The following EPYC variants were observed in gnomAD, a reference collection of about 807,000 sequenced individuals.
EPYC encodes epiphycan, also known as dermatan sulfate proteoglycan 3.
In EPYC, 28 loss-of-function variants were observed where a neutral mutation model predicts 30.1. That is an observed-to-expected ratio of 0.93 (90% CI 0.69 to 1.28). EPYC has a LOEUF of 1.28. Among genes scored for constraint, EPYC ranks in the 50% most tolerant of loss-of-function variants. The probability of loss-of-function intolerance (pLI) is 0.00; values close to 1 mark genes in which losing one functional copy is unlikely to be tolerated. For missense variants in EPYC, 382 were observed against 383.5 expected, an observed-to-expected ratio of 1.00 and a Z score of 0.03; for synonymous variants, 144 against 141.4, an observed-to-expected ratio of 1.02 and a Z score of -0.13.
At chr12:90,972,070 T>G (rs940329233) in intron 4 of EPYC, 68 bp from the exon 5 acceptor site, 1 of 975,720 alleles carries the variant, frequency 1.0e-6, no homozygotes, top group African/African-American at 1.7e-5. Flanking sequence ...ATAAATGTAA[T>G]TTTCCTTTAT....
At chr12:90,989,447 C>T (rs1877530016) in intron 2 of EPYC, among the ~76,000 whole-genome samples, 1 of 151,972 alleles carries the variant, frequency 6.6e-6, no homozygotes, top group South Asian at 2.1e-4. Flanking sequence ...CTTTTGATTA[C>T]ACCAAATATC....
chr12:90,976,464 C>G (rs894587164), intron 3 of EPYC, among the ~76,000 whole-genome samples: 2 of 151,982 alleles, frequency 1.3e-5, no homozygotes, highest in Admixed American at 1.3e-4. Flanking sequence ...AACTAAGGCA[C>G]AGTAATATTG....
chr12:90,990,496 T>C (rs565195785), intron 2 of EPYC, among the ~76,000 whole-genome samples: 1 of 152,242 alleles, frequency 6.6e-6, no homozygotes, highest in East Asian at 1.9e-4. Context: ...ACTGGCAAAT[T>C]CTTGCAAATT....
At chr12:90,984,298 C>T (rs190572310) in intron 2 of EPYC, among the ~76,000 whole-genome samples, 2 of 152,194 alleles carry the variant, frequency 1.3e-5, no homozygotes, top group East Asian at 3.9e-4. Context: ...TCAGCAGGGT[C>T]CAGGGACCAT....
chr12:90,992,623 T>C (rs1273814837), intron 2 of EPYC, among the ~76,000 whole-genome samples: 2 of 152,136 alleles, frequency 1.3e-5, no homozygotes, highest in African/African-American at 4.8e-5. Flanking sequence ...AAACTTCAGG[T>C]AAGACTGGAT....
intron 2 of EPYC, among the ~76,000 whole-genome samples, chr12:90,990,747 G>A (rs1053482659): frequency 3.9e-5 from 6 of 152,044 alleles, no homozygotes; most frequent in South Asian, 2.1e-4. Flanking sequence ...CCAAGGGATC[G>A]AACTCTTTAA....
intron 2 of EPYC, among the ~76,000 whole-genome samples, chr12:90,999,219 G>A (rs554846693): frequency 1.7e-4 from 26 of 152,054 alleles, no homozygotes; most frequent in African/African-American, 5.5e-4. Flanking sequence ...GAGGGCATGG[G>A]TATACTAGGA....
intron 3 of EPYC, among the ~76,000 whole-genome samples, chr12:90,975,829 T>C (rs910220787): frequency 1.3e-5 from 2 of 152,126 alleles, no homozygotes; most frequent in Non-Finnish European, 2.9e-5. Context: ...CTTTTTCTAC[T>C]TGTAGAGTGT....
At chr12:91,004,660 G>A (rs1877910989) in intron 1 of EPYC, among the ~76,000 whole-genome samples, 1 of 151,932 alleles carries the variant, frequency 6.6e-6, no homozygotes. Context: ...TGTGGTCTGT[G>A]TCAGGAAACT....
rs1394918490 is a variant in EPYC at position 90,974,104 on chromosome 12, GT to G, written c.341-1125del. Among the ~76,000 whole-genome samples, 10 of 149,256 alleles carry G rather than the reference GT, an allele frequency of 6.7e-5. No homozygotes were observed. In the East Asian group the frequency reaches 1.8e-3, roughly 27 times the overall value. On this transcript the variant is annotated intron_variant, in intron 3 of 6. Coordinates refer to ENST00000261172, the MANE Select transcript of EPYC (RefSeq NM_004950.5). ...CCTCTCCACCCCTTCTTCATTTTCT[GT>G]TTAGTGATCATGGAGAGGACAGTAA...
intron 2 of EPYC, 95 bp downstream of exon 2, chr12:91,002,306 T>A: frequency 9.4e-6 from 10 of 1,062,420 alleles, no homozygotes; most frequent in South Asian, 1.7e-5. Context: ...TCTTTCTACT[T>A]ATAAAAAAAC....
At chr12:90,978,549 A>T (rs1592625847) in intron 2 of EPYC, among the ~76,000 whole-genome samples, 2 of 151,016 alleles carry the variant, frequency 1.3e-5, no homozygotes, top group East Asian at 3.9e-4. Context: ...TCATAGGTTT[A>T]AAAAAAAGCT....
At chr12:90,970,428 A>G (rs527405583) in intron 5 of EPYC, among the ~76,000 whole-genome samples, 1 of 152,302 alleles carries the variant, frequency 6.6e-6, no homozygotes, top group African/African-American at 2.4e-5. Context: ...GACTTTCTCA[A>G]TTTAAGCAAG....
intron 2 of EPYC, among the ~76,000 whole-genome samples, chr12:90,994,997 T>C (rs537419395): frequency 1.3e-5 from 2 of 152,248 alleles, no homozygotes; most frequent in Non-Finnish European, 2.9e-5. Flanking sequence ...GGCTCTGCAC[T>C]GTTTGGCCTG....
chr12:90,975,694 A>G (rs1215454072), intron 3 of EPYC, among the ~76,000 whole-genome samples: 1 of 152,132 alleles, frequency 6.6e-6, no homozygotes, highest in Non-Finnish European at 1.5e-5. Context: ...TACTGATACA[A>G]GATTGGTCAA....
Position 90,970,085 on chromosome 12 carries a change from G to C in EPYC, c.757C>G (p.Pro253Ala), listed in dbSNP as rs759875979. 1.2e-6 allele frequency: 2 copies of C among 1,614,050 alleles called. No individual in the cohort carries two copies. The highest frequency in any genetic ancestry group is 2.2e-5 in the South Asian group (2 of 91,092). ...CGTAGATTTTCTGGGAGTGGCAGAG[G>C]GATGTGGTCCAAGTTGTTATCAGTG... ...YLTDNNLDHI[P>A]LPLPENLRAL... Residue 253 changes from proline (P) to alanine (A), a missense_variant, in exon 6 of 7, where the codon CCT becomes GCT. Pro to Ala is a conservative substitution (Grantham distance 27). Transcript: ENST00000261172.
chr12:90,997,210 A>G (rs1288859163), intron 2 of EPYC, among the ~76,000 whole-genome samples: 1 of 152,086 alleles, frequency 6.6e-6, no homozygotes, highest in Non-Finnish European at 1.5e-5. Flanking sequence ...GCTCTATAGC[A>G]CTTTGTAGTA....
intron 2 of EPYC, among the ~76,000 whole-genome samples, chr12:90,999,734 C>T (rs1055385605): frequency 1.3e-5 from 2 of 152,066 alleles, no homozygotes; most frequent in Non-Finnish European, 2.9e-5. Flanking sequence ...ATGAGTAACT[C>T]TATTAATCTA....
chr12:90,971,303 T>C (rs899614019), intron 5 of EPYC, among the ~76,000 whole-genome samples: 2 of 152,144 alleles, frequency 1.3e-5, no homozygotes, highest in African/African-American at 4.8e-5. Context: ...TACCAGAATA[T>C]GGTGTTTCTC....
Sources: gnomAD v4.1 joint callset for allele counts (sites outside exome capture counted in the v4.1 genomes callset) on GRCh38, gnomAD v4.1.1 for gene constraint, MANE v1.5 for transcripts, NCBI Gene and HGNC (gene_info 2026-07-23, HGNC 2026-07-21) for gene names.